The following CDH2 variants were observed in gnomAD, a reference collection of about 807,000 sequenced individuals.
CDH2 encodes the protein cadherin-2.
A neutral mutation model predicts 92.0 loss-of-function variants in CDH2; 17 were observed. The ratio of observed to expected loss-of-function variants is 0.18; its 90% CI spans 0.13 to 0.28. The LOEUF (loss-of-function observed/expected upper bound fraction) is 0.28. Ranked by LOEUF, CDH2 falls within the 10% of genes least tolerant of loss-of-function variation. The probability of loss-of-function intolerance (pLI) is 1.00; values close to 1 mark genes in which losing one functional copy is unlikely to be tolerated. For missense variants in CDH2, 862 were observed against 1,133.1 expected (o/e 0.76, Z 3.44); for synonymous variants, 419 against 415.9 (o/e 1.01, Z -0.09).
rs897734272 is a variant in CDH2 at position 28,092,546 on chromosome 18, GA to G, written c.172+55126del. 3.1e-4 allele frequency among the ~76,000 whole-genome samples: 43 copies of G among 137,524 alleles called. 1 individual carries two copies. The highest frequency in any genetic ancestry group is 2.5e-3 in the South Asian group (11 of 4,366). The allele number at this position is 137,524 out of a possible 152,430, so 90.2% of individuals were successfully genotyped here. A position where few individuals can be genotyped will look rare whatever the true frequency, so the allele number is the denominator to read the frequency against. ...GGAATGAAATACTGATTAGAAGAGA[GA>G]AAAAAAAAACAAAAGGATGAAAAGA... On this transcript the variant is annotated intron_variant, in intron 2 of 15. Transcript: ENST00000269141.
intron 2 of CDH2, among the ~76,000 whole-genome samples, chr18:28,084,638 T>C (rs1247792299): frequency 1.3e-5 from 2 of 151,990 alleles, no homozygotes; most frequent in Non-Finnish European, 2.9e-5. Flanking sequence ...CAGACTGCTC[T>C]TACCAGCTTA....
intron 2 of CDH2, among the ~76,000 whole-genome samples, chr18:28,111,755 A>G (rs1360340483): frequency 6.6e-6 from 1 of 152,214 alleles, no homozygotes; most frequent in Admixed American, 6.5e-5. Flanking sequence ...CCAGTATACT[A>G]ATATGCAACA....
At chr18:28,025,426 G>A (rs1229135419) in intron 2 of CDH2, among the ~76,000 whole-genome samples, 3 of 151,826 alleles carry the variant, frequency 2.0e-5, no homozygotes, top group East Asian at 1.9e-4. Flanking sequence ...GCTGAGGCAG[G>A]AGAATTGCTT....
At chr18:28,031,789 C>T (rs2013702588) in intron 2 of CDH2, among the ~76,000 whole-genome samples, 1 of 152,110 alleles carries the variant, frequency 6.6e-6, no homozygotes, top group Admixed American at 6.6e-5. Context: ...TTATAGATTT[C>T]ATAGCTAAAG....
At chr18:28,126,845 C>G (rs2015685615) in intron 2 of CDH2, among the ~76,000 whole-genome samples, 1 of 152,078 alleles carries the variant, frequency 6.6e-6, no homozygotes, top group Non-Finnish European at 1.5e-5. Context: ...ACAGAGGGGA[C>G]AAGTAGTCTC....
chr18:28,116,853 C>T (rs1390621754), intron 2 of CDH2, among the ~76,000 whole-genome samples: 1 of 152,078 alleles, frequency 6.6e-6, no homozygotes, highest in Non-Finnish European at 1.5e-5. Context: ...AAAGGAATAG[C>T]TGCTTGTTTT....
chr18:28,018,765 C>T (rs1173702396), intron 2 of CDH2, among the ~76,000 whole-genome samples: 1 of 151,600 alleles, frequency 6.6e-6, no homozygotes, highest in East Asian at 1.9e-4. Context: ...TGTGGTAATT[C>T]CTTAAAAAAC....
chr18:28,080,644 T>A (rs2014811711), intron 2 of CDH2, among the ~76,000 whole-genome samples: 1 of 152,228 alleles, frequency 6.6e-6, no homozygotes, highest in African/African-American at 2.4e-5. Flanking sequence ...AGCTTATTTG[T>A]GAAATCATGC....
intron 1 of CDH2, among the ~76,000 whole-genome samples, chr18:28,169,975 A>T (rs148626493): frequency 3.6e-4 from 55 of 152,350 alleles, no homozygotes; most frequent in African/African-American, 1.2e-3. Flanking sequence ...GAACAGATGA[A>T]AAGTTAAACA....
intron 2 of CDH2, among the ~76,000 whole-genome samples, chr18:28,138,606 A>C (rs879831872): frequency 2.6e-5 from 4 of 152,098 alleles, no homozygotes; most frequent in South Asian, 2.1e-4. Context: ...AGCCAAGGTG[A>C]TTATGTTCAG....
chr18:28,064,982 T>C (rs1208811741), intron 2 of CDH2, among the ~76,000 whole-genome samples: 2 of 152,060 alleles, frequency 1.3e-5, no homozygotes, highest in Non-Finnish European at 2.9e-5. Flanking sequence ...CCAAGGACCA[T>C]AAATTTTCCC....
chr18:28,064,192 T>TCC (rs1163239457), intron 2 of CDH2, among the ~76,000 whole-genome samples: 1 of 152,090 alleles, frequency 6.6e-6, no homozygotes, highest in Non-Finnish European at 1.5e-5. Flanking sequence ...TCAAAATGAC[T>TCC]CCCATCTCTA....
intron 6 of CDH2, among the ~76,000 whole-genome samples, chr18:27,945,467 A>T (rs1909248442): frequency 6.6e-6 from 1 of 151,714 alleles, no homozygotes; most frequent in Non-Finnish European, 1.5e-5. Flanking sequence ...GGATCACATG[A>T]ACTCTAAGGT....
At chr18:27,968,893 A>G (rs1236297811) in intron 14 of CDH2, among the ~76,000 whole-genome samples, 1 of 152,202 alleles carries the variant, frequency 6.6e-6, no homozygotes, top group Non-Finnish European at 1.5e-5. Context: ...TTCAGACACA[A>G]AAAGAAATGG....
rs1446436061 is a variant in CDH2 at position 27,990,095 on chromosome 18, A to G, written c.1598+2T>C. On this transcript the variant is annotated splice_donor_variant, in intron 10 of 15. Transcript: ENST00000269141. LOFTEE classifies it high-confidence loss of function. The stretch of plus-strand genomic sequence containing the variant: ...AAAAACACTACAAACAGCATTTCAT[A>G]CCTAATATTTTGCTGCATATATCGA... The G allele has an allele frequency of 6.2e-7, 1 of 1,613,028 alleles. No homozygotes were observed.
intron 1 of CDH2, among the ~76,000 whole-genome samples, chr18:28,153,383 T>C (rs1034946720): frequency 5.3e-5 from 8 of 152,202 alleles, no homozygotes; most frequent in African/African-American, 1.9e-4. Flanking sequence ...TCTCAATAAA[T>C]TAATAATTCC....
chr18:28,130,466 A>G (rs1020687939), intron 2 of CDH2, among the ~76,000 whole-genome samples: 5 of 152,260 alleles, frequency 3.3e-5, no homozygotes, highest in Non-Finnish European at 5.9e-5. Context: ...ATCGTGATGT[A>G]AAATGTATTT....
chr18:28,163,262 C>T (rs550719480), intron 1 of CDH2, among the ~76,000 whole-genome samples: 1 of 152,332 alleles, frequency 6.6e-6, no homozygotes, highest in Admixed American at 6.5e-5. Context: ...GGAAACTATG[C>T]ACATACTGCT....
chr18:27,961,324 T>G (rs2847361), intron 15 of CDH2, among the ~76,000 whole-genome samples: 116,273 of 150,960 alleles, frequency 0.77, 45,686 homozygotes, highest in Non-Finnish European at 0.86. Context: ...GTCCTGGAGA[T>G]AACTCACATA....
Sources: gnomAD v4.1 joint callset for allele counts (sites outside exome capture counted in the v4.1 genomes callset) on GRCh38, gnomAD v4.1.1 for gene constraint, MANE v1.5 for transcripts, NCBI Gene and HGNC (gene_info 2026-07-23, HGNC 2026-07-21) for gene names.